Variants in TFCP2L1 observed in about 807,000 individuals in gnomAD.
TFCP2L1 encodes the protein transcription factor CP2-like protein 1.
A neutral mutation model predicts 72.2 loss-of-function variants in TFCP2L1; 12 were observed. The observed-to-expected ratio is 0.17, with a 90% CI of 0.11 to 0.27. The LOEUF is 0.27. Ranked by LOEUF, TFCP2L1 falls within the 10% of genes least tolerant of loss-of-function variation. The probability of loss-of-function intolerance (pLI) is 1.00; values close to 1 mark genes in which losing one functional copy is unlikely to be tolerated. For missense variants in TFCP2L1, 488 were observed against 624.6 expected (o/e 0.78, Z 2.33); for synonymous variants, 260 against 251.0 (o/e 1.04, Z -0.34).
intron 8 of TFCP2L1, among the ~76,000 whole-genome samples, chr2:121,238,077 C>T (rs768574912): frequency 7.2e-5 from 11 of 152,206 alleles, no homozygotes; most frequent in Non-Finnish European, 1.6e-4. Context: ...TTCTGATAGG[C>T]TACACTGCCC....
intron 2 of TFCP2L1, among the ~76,000 whole-genome samples, chr2:121,268,144 C>T (rs1424224575): frequency 1.3e-5 from 2 of 152,176 alleles, no homozygotes; most frequent in African/African-American, 4.8e-5. Context: ...TAACAAAACA[C>T]ACCCCCTATT....
At chr2:121,244,843 G>A (rs190137181) in intron 6 of TFCP2L1, among the ~76,000 whole-genome samples, 7 of 152,136 alleles carry the variant, frequency 4.6e-5, no homozygotes, top group East Asian at 1.9e-4. Flanking sequence ...TGGCCAGAGC[G>A]ACAGTGAACC....
chr2:121,249,711 C>T, intron 2 of TFCP2L1, 64 bp from the exon 3 acceptor site: 1 of 1,552,436 alleles, frequency 6.4e-7, no homozygotes, highest in South Asian at 1.1e-5. Context: ...GTTCATTCAG[C>T]TAGCAGCCTT....
At chr2:121,276,447 A>G (rs1376751676) in intron 2 of TFCP2L1, among the ~76,000 whole-genome samples, 1 of 152,016 alleles carries the variant, frequency 6.6e-6, no homozygotes, top group Non-Finnish European at 1.5e-5. Flanking sequence ...AGCTTGGGAA[A>G]CATGACAAAA....
chr2:121,233,590 C>T (rs1380344920), intron 12 of TFCP2L1, among the ~76,000 whole-genome samples: 3 of 152,204 alleles, frequency 2.0e-5, no homozygotes, highest in African/African-American at 7.2e-5. Context: ...CCACACCCAG[C>T]CACAATTTTG....
intron 2 of TFCP2L1, among the ~76,000 whole-genome samples, chr2:121,253,510 T>TA (rs1686652254): frequency 6.6e-6 from 1 of 152,102 alleles, no homozygotes; most frequent in Admixed American, 6.5e-5. Flanking sequence ...CCTTCACAGA[T>TA]AAAGAATGCT....
chr2:121,281,894 G>A (rs1163094239), intron 1 of TFCP2L1, among the ~76,000 whole-genome samples: 1 of 132,408 alleles, frequency 7.6e-6, no homozygotes, highest in Non-Finnish European at 1.5e-5. Flanking sequence ...AGGAAGGAAG[G>A]ACCTTGGCTT....
intron 6 of TFCP2L1, among the ~76,000 whole-genome samples, chr2:121,245,490 G>A (rs1410510391): frequency 1.3e-5 from 2 of 152,182 alleles, no homozygotes; most frequent in Admixed American, 6.5e-5. Flanking sequence ...GCTCTGCCAG[G>A]AAAGACAAAC....
At chr2:121,284,661 G>A (rs1198058150) in intron 1 of TFCP2L1, among the ~76,000 whole-genome samples, 1 of 152,206 alleles carries the variant, frequency 6.6e-6, no homozygotes, top group Non-Finnish European at 1.5e-5. Flanking sequence ...TCCCCGGGCC[G>A]GGCACCAGGC....
rs1186397909 is a variant in TFCP2L1 at position 121,223,238 on chromosome 2, G to A, written c.*1103C>T. On this transcript the variant is annotated 3_prime_UTR_variant, in exon 15 of 15. Coordinates refer to ENST00000263707, the MANE Select transcript of TFCP2L1 (RefSeq NM_014553.3). ...CAGGAACCAGAGGCAAGACAAAGAC[G>A]AATTTCTGAGTCTACCACAGTTACT... 1.3e-5 allele frequency: 2 copies of A among 152,008 alleles called. No homozygotes were observed. Among genetic ancestry groups the A allele is most frequent in the Admixed American group, 6.6e-5 (1 of 15,254 alleles). 9.4% of individuals were successfully genotyped at this position (152,008 alleles called of 1,614,324 possible).
chr2:121,283,967 A>G (rs563265961), intron 1 of TFCP2L1, among the ~76,000 whole-genome samples: 205 of 152,324 alleles, frequency 1.3e-3, no homozygotes, highest in Non-Finnish European at 1.8e-3. Flanking sequence ...GCCCATGAAT[A>G]AAAACAGCAG....
At chr2:121,246,596 G>A (rs907926447) in intron 6 of TFCP2L1, among the ~76,000 whole-genome samples, 7 of 152,230 alleles carry the variant, frequency 4.6e-5, no homozygotes, top group African/African-American at 1.7e-4. Flanking sequence ...GAAGCTGAGC[G>A]GGTGCCGCAG....
intron 2 of TFCP2L1, among the ~76,000 whole-genome samples, chr2:121,270,630 C>T (rs1442624540): frequency 6.6e-6 from 1 of 151,990 alleles, no homozygotes; most frequent in Non-Finnish European, 1.5e-5. Context: ...TGTAGTGTAA[C>T]CAGTAAAGAT....
intron 8 of TFCP2L1, among the ~76,000 whole-genome samples, chr2:121,238,694 AC>A (rs1473845113): frequency 1.3e-5 from 2 of 151,720 alleles, no homozygotes; most frequent in Non-Finnish European, 2.9e-5. Flanking sequence ...AGAATTCTTA[AC>A]CCCCTTTTGT....
intron 2 of TFCP2L1, among the ~76,000 whole-genome samples, chr2:121,254,211 G>T (rs1686668319): frequency 6.6e-6 from 1 of 152,214 alleles, no homozygotes; most frequent in Non-Finnish European, 1.5e-5. Context: ...GTGCTATAGT[G>T]CTGTTCTCTG....
intron 4 of TFCP2L1, 97 bp from the exon 5 acceptor site, chr2:121,248,367 A>C: frequency 1.1e-6 from 1 of 948,022 alleles, no homozygotes; most frequent in South Asian, 1.8e-5. Flanking sequence ...CCTTCGCCCC[A>C]ATTTGCAATG....
chr2:121,249,787 C>A, intron 2 of TFCP2L1, 140 bp from the exon 3 acceptor site: 6 of 790,474 alleles, frequency 7.6e-6, no homozygotes, highest in Non-Finnish European at 1.2e-5. Context: ...AGAAAACCCA[C>A]GACCAGCTCA....
chr2:121,237,951 A>G (rs1686286361), intron 8 of TFCP2L1, 101 bp from the exon 9 acceptor site: 18 of 1,281,642 alleles, frequency 1.4e-5, no homozygotes, highest in Non-Finnish European at 1.8e-5. Flanking sequence ...TATCAGATGC[A>G]GGATTTGTTC....
At chr2:121,225,836 G>T (rs1023056680) in intron 13 of TFCP2L1, among the ~76,000 whole-genome samples, 2 of 147,624 alleles carry the variant, frequency 1.4e-5, no homozygotes. Context: ...ACGGGAACAC[G>T]GTAAACACCA....
Sources: gnomAD v4.1 joint callset for allele counts (sites outside exome capture counted in the v4.1 genomes callset) on GRCh38, gnomAD v4.1.1 for gene constraint, MANE v1.5 for transcripts, NCBI Gene and HGNC (gene_info 2026-07-23, HGNC 2026-07-21) for gene names.